Variants in STAT5A observed in about 807,000 individuals in gnomAD.
The protein encoded by STAT5A is signal transducer and activator of transcription 5A, also known as epididymis secretory sperm binding protein.
A neutral mutation model predicts 100.2 loss-of-function variants in STAT5A; 26 were observed. That is an observed-to-expected ratio of 0.26 (90% CI 0.19 to 0.36). STAT5A has a LOEUF of 0.36. STAT5A is among the 10% of genes least tolerant of loss of function. STAT5A has a pLI of 1.00. For synonymous variants in STAT5A, 330 were observed against 424.3 expected, an observed-to-expected ratio of 0.78 and a Z score of 2.73; for missense variants, 634 against 1,027.5, an observed-to-expected ratio of 0.62 and a Z score of 5.24.
intron 4 of STAT5A, among the ~76,000 whole-genome samples, chr17:42,293,790 T>A (rs556826037): frequency 2.6e-5 from 4 of 152,284 alleles, no homozygotes; most frequent in African/African-American, 9.6e-5. Context: ...AGAGGAGGGA[T>A]GAATTTTCTA....
chr17:42,307,919 T>C lies in STAT5A; in HGVS notation c.1906+196T>C, dbSNP rs1198366582. Among the ~76,000 whole-genome samples the C allele has an allele frequency of 2.0e-5, 3 of 152,276 alleles. No individual in the cohort carries two copies. In the South Asian group the frequency reaches 6.2e-4, roughly 32 times the overall value. On this transcript the variant is annotated intron_variant, in intron 15 of 18. Coordinates refer to ENST00000590949, the MANE Select transcript of STAT5A (RefSeq NM_001288718.2). ...GGAGAACCTGAAGTCCCCAGCCCCATAGACTCCAGGACGGCTGGGCGAGTC... is the reference window on the plus strand; with the variant it reads ...GGAGAACCTGAAGTCCCCAGCCCCACAGACTCCAGGACGGCTGGGCGAGTC...
At chr17:42,299,075 G>C (rs764037441) in intron 5 of STAT5A, among the ~76,000 whole-genome samples, 3 of 152,140 alleles carry the variant, frequency 2.0e-5, no homozygotes, top group South Asian at 2.1e-4. Context: ...CCCCTGAGGA[G>C]GGACTGCTGT....
chr17:42,289,507 C>T lies in STAT5A; in HGVS notation c.96C>T (p.His32=), dbSNP rs771312127. 4 of 1,613,272 alleles carry T rather than the reference C, an allele frequency of 2.5e-6. No individual in the cohort carries two copies. The highest frequency in any genetic ancestry group is 3.4e-6 in the Non-Finnish European group (4 of 1,179,902). The change falls in exon 2 of 19, where the codon CAC becomes CAT. Residue 32 remains histidine (H), a synonymous_variant. Coordinates refer to ENST00000590949, the MANE Select transcript of STAT5A (RefSeq NM_001288718.2). ...AGCACTTCCCCATCGAGGTCCGGCA[C>T]TACTTGGCCCAGTGGATTGAGAGCC... ...YGQHFPIEVR[H]YLAQWIESQP...
Position 42,306,003 on chromosome 17 carries a change from G to T in STAT5A, c.1474-238G>T. The T allele has an allele frequency of 8.7e-6, 6 of 688,798 alleles. No individual in the cohort carries two copies. The South Asian group carries it at 1.2e-4, about 13-fold the overall frequency. The allele number at this position is 688,798 out of a possible 1,614,324, so 42.7% of individuals were successfully genotyped here. A position where few individuals can be genotyped will look rare whatever the true frequency, so the allele number is the denominator to read the frequency against. The stretch of plus-strand genomic sequence containing the variant: ...CTTGCTCTCTGTTTTCTGTTTCCTG[G>T]TCTGCATCTCTGTCCCTGCATGCCC... On this transcript the variant is annotated intron_variant, in intron 12 of 18. Transcript: ENST00000590949.
At position 42,295,717 on chromosome 17, in the gene STAT5A, A is replaced by G. The variant is rs2144513362; in HGVS notation, c.474A>G (p.Thr158=). 1 of 1,613,948 alleles carries G rather than the reference A, an allele frequency of 6.2e-7. No homozygotes were observed. The highest frequency in any genetic ancestry group is 8.5e-7 in the Non-Finnish European group (1 of 1,179,934). ...AGCTGCGACTGGTCACGCAGGACAC[A>G]GAGAATGAGCTGAAGAAACTGCAGC... is the stretch of plus-strand genomic sequence containing the variant. ...FEELRLVTQD[T]ENELKKLQQT... is the part of the protein sequence containing the mutation. Residue 158 remains threonine (T), a synonymous_variant, in exon 5 of 19, where the codon ACA becomes ACG. Coordinates refer to ENST00000590949, the MANE Select transcript of STAT5A (RefSeq NM_001288718.2).
In STAT5A at chr17:42,311,484, C is replaced by A. The variant is rs2081081403; in HGVS notation, c.*815C>A. The stretch of plus-strand genomic sequence containing the variant: ...CTTGCCTCTCTGTTTGTAACCTTGT[C>A]GACAAAGAGGTAGAAAAGATTGGGT... On this transcript the variant is annotated 3_prime_UTR_variant, in exon 19 of 19. Transcript: ENST00000590949. 6.6e-6 allele frequency: 1 copy of A among 152,174 alleles called. No homozygotes were observed. Among genetic ancestry groups the A allele is most frequent in the South Asian group, 2.1e-4 (1 of 4,820 alleles). The allele number at this position is 152,174 out of a possible 1,614,324, so 9.4% of individuals were successfully genotyped here.
At chr17:42,295,508 A>T in intron 4 of STAT5A, 111 bp from the exon 5 acceptor site, 1 of 1,152,146 alleles carries the variant, frequency 8.7e-7, no homozygotes, top group Non-Finnish European at 1.2e-6. Context: ...TTCCCTTCTT[A>T]CCCTAGTTTG....
intron 3 of STAT5A, among the ~76,000 whole-genome samples, chr17:42,290,419 A>C: frequency 6.6e-6 from 1 of 152,210 alleles, no homozygotes; most frequent in Non-Finnish European, 1.5e-5. Context: ...AGAGCTGGAC[A>C]CAAGGGCTTT....
rs771618032 is a variant in STAT5A at position 42,308,189 on chromosome 17, C to G, written c.1918C>G (p.Leu640Val). The change falls in exon 16 of 19, where the codon CTG becomes GTG. Residue 640 changes from leucine to valine, a missense_variant. Transcript: ENST00000590949. This position sits in a 1 kb window ranked among gnomAD's most constrained non-coding sequence, Gnocchi z 4.6. ...AWKFDSPERNLWNLKPFTTRD... is the reference protein window; with the variant it reads ...AWKFDSPERNVWNLKPFTTRD... The stretch of plus-strand genomic sequence containing the variant: ...TGTTCTTTTCACAGCGGAACGCAAC[C>G]TGTGGAACCTGAAACCATTCACCAC... 6 of 1,614,168 alleles carry G rather than the reference C, an allele frequency of 3.7e-6. No homozygotes were observed. Among genetic ancestry groups the G allele is most frequent in the Non-Finnish European group, 4.2e-6 (5 of 1,179,984 alleles).
Position 42,308,935 on chromosome 17 carries a change from C to T in STAT5A, c.2063-112C>T. 1 of 1,376,288 alleles carries T rather than the reference C, an allele frequency of 7.3e-7. No individual in the cohort carries two copies. Among genetic ancestry groups the T allele is most frequent in the Non-Finnish European group, 1.0e-6 (1 of 972,948 alleles). 85.3% of individuals were successfully genotyped at this position (1,376,288 alleles called of 1,614,324 possible). A position where few individuals can be genotyped will look rare whatever the true frequency, so the allele number is the denominator to read the frequency against. On this transcript the variant is annotated intron_variant, in intron 16 of 18. Transcript: ENST00000590949. This position sits in a 1 kb window ranked among gnomAD's most constrained non-coding sequence, Gnocchi z 4.6. The stretch of plus-strand genomic sequence containing the variant: ...GGGTCCTTGGGAAATCTCATCCCAG[C>T]TGAGAACACAAGGTGATGTGAGCAG...
chr17:42,306,543 C>T, intron 13 of STAT5A, 96 bp downstream of exon 13: 1 of 1,528,528 alleles, frequency 6.5e-7, no homozygotes, highest in South Asian at 1.2e-5. Flanking sequence ...TAGCACCCCA[C>T]TCTCCACCCC....
At chr17:42,293,163 C>T (rs979671596) in intron 4 of STAT5A, among the ~76,000 whole-genome samples, 9 of 152,092 alleles carry the variant, frequency 5.9e-5, no homozygotes, top group African/African-American at 1.4e-4. Context: ...GAACAGTGAC[C>T]GGAGCACAGG....
chr17:42,290,030 T>C lies in STAT5A; in HGVS notation c.285+8T>C. The C allele has an allele frequency of 6.2e-7, 1 of 1,607,254 alleles. No homozygotes were observed. The highest frequency in any genetic ancestry group is 1.3e-5 in the African/African-American group (1 of 74,802). On this transcript the variant is annotated splice_region_variant and intron_variant, in intron 3 of 18. Coordinates refer to ENST00000590949, the MANE Select transcript of STAT5A (RefSeq NM_001288718.2). ...TACGCCACGCAGCTCCAGGTGGGTG[T>C]AGGCTCTGGGCCACCTACGGGGAGG...
rs2080840084 is a variant in STAT5A at position 42,288,893 on chromosome 17, G to A, written c.-11+295G>A. 6.6e-6 allele frequency among the ~76,000 whole-genome samples: 1 copy of A among 152,232 alleles called. No individual in the cohort carries two copies. The highest frequency in any genetic ancestry group is 2.1e-4 in the South Asian group (1 of 4,838). On this transcript the variant is annotated intron_variant, in intron 1 of 18. Transcript: ENST00000590949. The surrounding 1 kb of genome is among the most constrained non-coding windows in gnomAD (Gnocchi z 4.8). ...CACAGATGGGGGAGCAGCCGAAGAG[G>A]GGAGCGCCCAAGTCCTCAGCCCTGT...
intron 4 of STAT5A, among the ~76,000 whole-genome samples, chr17:42,293,213 A>G (rs1447343923): frequency 2.0e-5 from 3 of 152,064 alleles, no homozygotes; most frequent in Non-Finnish European, 4.4e-5. Context: ...TTGTTTGTTT[A>G]TTTATTTTTG....
rs2081073704 is a variant in STAT5A at position 42,310,800 on chromosome 17, G to C, written c.*131G>C. The C allele has an allele frequency of 1.5e-6, 2 of 1,334,898 alleles. No individual in the cohort carries two copies. Among genetic ancestry groups the C allele is most frequent in the Admixed American group, 2.2e-5 (1 of 45,968 alleles). The allele number at this position is 1,334,898 out of a possible 1,614,324, so 82.7% of individuals were successfully genotyped here. A position where few individuals can be genotyped will look rare whatever the true frequency, so the allele number is the denominator to read the frequency against. ...TGCTTGTGTGTGTGTGTGTGTGTGTGTCCTTGTGCATGAGCTACGCCTGCC... is the reference window on the plus strand; with the variant it reads ...TGCTTGTGTGTGTGTGTGTGTGTGTCTCCTTGTGCATGAGCTACGCCTGCC... On this transcript the variant is annotated 3_prime_UTR_variant, in exon 19 of 19. Transcript: ENST00000590949.
rs765087246 is a variant in STAT5A, at chr17:42,299,877, G to A, written c.677G>A (p.Arg226His). ...GAGGCACAGACACTGCAGCAGTACC[G>A]CGTGGTGAGTGGGGTCCTGGGCCTC... ...QREAQTLQQY[R>H]VELAEKHQKT... The change falls in exon 6 of 19, where the codon CGC becomes CAC. Residue 226 changes from arginine (R) to histidine (H), a missense_variant. This residue lies in a region of STAT5A where 31 missense variants were observed against 97.6 expected (regional missense o/e 0.32). Transcript: ENST00000590949. 3.2e-5 allele frequency: 52 copies of A among 1,607,480 alleles called. No homozygotes were observed. The highest frequency in any genetic ancestry group is 4.4e-5 in the South Asian group (4 of 90,508).
At chr17:42,290,283 G>T in intron 3 of STAT5A, 1 of 366,130 alleles carries the variant, frequency 2.7e-6, no homozygotes, top group Non-Finnish European at 4.8e-6. Flanking sequence ...CAGCAGAAGG[G>T]ATGGAGGGAG....
intron 1 of STAT5A, chr17:42,289,174 T>A: frequency 2.3e-6 from 1 of 427,722 alleles, no homozygotes; most frequent in Non-Finnish European, 4.1e-6. Flanking sequence ...GGAGGGCACC[T>A]GCCTCTGCAG....
Sources: allele counts gnomAD v4.1 joint callset (sites outside exome capture counted in the v4.1 genomes callset), GRCh38; gene constraint gnomAD v4.1.1; regional missense constraint gnomAD v4.1.1; non-coding constraint Gnocchi (gnomAD v3.1); transcripts MANE v1.5; gene names NCBI Gene and HGNC (gene_info 2026-07-23, HGNC 2026-07-21).